RELN: variants seen among roughly 807,000 people sequenced by gnomAD.
RELN encodes reelin.
A neutral mutation model predicts 427.6 loss-of-function variants in RELN; 108 were observed. The observed-to-expected ratio is 0.25, with a 90% CI of 0.22 to 0.30. RELN has a LOEUF of 0.30. RELN is among the 10% of genes least tolerant of loss of function. The pLI is 1.00. For synonymous variants in RELN, 1,524 were observed against 1,513.4 expected, an observed-to-expected ratio of 1.01 and a Z score of -0.16; for missense variants, 3,715 against 4,302.8, an observed-to-expected ratio of 0.86 and a Z score of 3.82.
At chr7:103,491,586 T>C (rs748131336) in intron 58 of RELN, among the ~76,000 whole-genome samples, 13 of 152,130 alleles carry the variant, frequency 8.5e-5, no homozygotes, top group Non-Finnish European at 1.8e-4. Context: ...TCCCAGCACT[T>C]TGGGAGGCAG....
At chr7:103,643,413 G>T (rs1832733477) in intron 16 of RELN, among the ~76,000 whole-genome samples, 1 of 151,920 alleles carries the variant, frequency 6.6e-6, no homozygotes, top group Non-Finnish European at 1.5e-5. Flanking sequence ...TTGTATCATG[G>T]CTTCCCAAAA....
intron 1 of RELN, among the ~76,000 whole-genome samples, chr7:103,975,640 G>T (rs925836759): frequency 6.6e-6 from 1 of 151,480 alleles, no homozygotes; most frequent in Non-Finnish European, 1.5e-5. Context: ...CCGCCTCCCG[G>T]GTTCACGCCA....
rs111977055 is a variant in RELN, at chr7:103,779,012, C to T, written c.474-2385G>A. Among the ~76,000 whole-genome samples the T allele has an allele frequency of 3.3e-5, 5 of 152,266 alleles. No individual in the cohort carries two copies. In the East Asian group the frequency reaches 5.8e-4, roughly 18 times the overall value. On this transcript the variant is annotated intron_variant, in intron 3 of 64. Transcript: ENST00000428762. Reference sequence around the variant, plus strand: ...ATTCTTACAGTATATGGATCAGGAACGTGAGGCCAGGCAGGATATTAACCT... The same window carrying T: ...ATTCTTACAGTATATGGATCAGGAATGTGAGGCCAGGCAGGATATTAACCT...
chr7:103,924,533 T>C (rs1286559951), intron 1 of RELN, among the ~76,000 whole-genome samples: 1 of 152,182 alleles, frequency 6.6e-6, no homozygotes, highest in African/African-American at 2.4e-5. Context: ...ATCCAGGAAT[T>C]CTAGCAGGTG....
intron 22 of RELN, among the ~76,000 whole-genome samples, chr7:103,608,814 T>C (rs1327859446): frequency 1.3e-5 from 2 of 152,200 alleles, no homozygotes; most frequent in Non-Finnish European, 2.9e-5. Flanking sequence ...AATTTGAGTG[T>C]CAAAGAACCT....
intron 2 of RELN, among the ~76,000 whole-genome samples, chr7:103,888,285 A>G (rs192021747): frequency 9.2e-5 from 14 of 152,012 alleles, no homozygotes; most frequent in African/African-American, 3.4e-4. Flanking sequence ...AAATCAAGTA[A>G]GTATTTATGA....
intron 14 of RELN, 50 bp from the exon 15 acceptor site, chr7:103,651,839 A>G: frequency 6.3e-7 from 1 of 1,593,522 alleles, no homozygotes; most frequent in Non-Finnish European, 8.6e-7. Context: ...GGTAAAGATA[A>G]CAAATCAAAT....
At chr7:103,551,596 C>T (rs1340195868) in intron 40 of RELN, among the ~76,000 whole-genome samples, 1 of 152,124 alleles carries the variant, frequency 6.6e-6, no homozygotes, top group African/African-American at 2.4e-5. Flanking sequence ...GGCCCATTTT[C>T]CTAGCCAAGC....
intron 2 of RELN, among the ~76,000 whole-genome samples, chr7:103,891,983 A>G (rs1289179130): frequency 6.6e-6 from 1 of 152,164 alleles, no homozygotes; most frequent in Non-Finnish European, 1.5e-5. Context: ...AATGTGTCAG[A>G]GGCACAGAAT....
intron 1 of RELN, among the ~76,000 whole-genome samples, chr7:103,917,790 G>A (rs908917284): frequency 1.3e-5 from 2 of 152,002 alleles, no homozygotes; most frequent in Non-Finnish European, 2.9e-5. Context: ...GAAGAGGAGT[G>A]GTTTTATAAC....
At chr7:103,593,125 A>C (rs1346100325) in intron 27 of RELN, among the ~76,000 whole-genome samples, 1 of 152,184 alleles carries the variant, frequency 6.6e-6, no homozygotes, top group African/African-American at 2.4e-5. Context: ...TTATAAACAC[A>C]ATGAAATTTT....
intron 30 of RELN, among the ~76,000 whole-genome samples, chr7:103,572,912 T>C (rs570061316): frequency 3.3e-5 from 5 of 151,974 alleles, no homozygotes; most frequent in South Asian, 4.1e-4. Context: ...GTTTGTTACA[T>C]AGGTATACAC....
At position 103,596,626 on chromosome 7, in the gene RELN, A is replaced by G. The variant is rs1415630437; in HGVS notation, c.3369T>C (p.Asp1123=). ...GKRQLVSWDL[D]TSWVDFVQFY... ...ACTGGACAAAGTCCACCCAAGAAGT[A>G]TCCAGGTCCCAACTCACCAGCTGTC... is the stretch of plus-strand genomic sequence containing the variant. Residue 1123 remains aspartate (D), a synonymous_variant, in exon 25 of 65, where the codon GAT becomes GAC. Coordinates refer to ENST00000428762, the MANE Select transcript of RELN (RefSeq NM_005045.4). The G allele has an allele frequency of 6.2e-7, 1 of 1,613,964 alleles. No homozygotes were observed. Among genetic ancestry groups the G allele is most frequent in the African/African-American group, 1.3e-5 (1 of 74,928 alleles).
chr7:103,931,288 C>A (rs529753295), intron 1 of RELN, among the ~76,000 whole-genome samples: 90 of 152,294 alleles, frequency 5.9e-4, no homozygotes, highest in African/African-American at 2.0e-3. Flanking sequence ...TCTCACCATC[C>A]TTTCCACCTA....
chr7:103,686,232 A>G (rs974540479), intron 10 of RELN, among the ~76,000 whole-genome samples: 1 of 152,130 alleles, frequency 6.6e-6, no homozygotes, highest in Non-Finnish European at 1.5e-5. Flanking sequence ...TCCCCTCCAC[A>G]TGAGCAGAGA....
intron 19 of RELN, among the ~76,000 whole-genome samples, chr7:103,632,877 T>C (rs946876863): frequency 1.6e-4 from 24 of 152,076 alleles, no homozygotes; most frequent in African/African-American, 5.6e-4. Context: ...AGATTAAATA[T>C]AATAATCAAG....
At chr7:103,663,407 T>C (rs1467924111) in intron 11 of RELN, among the ~76,000 whole-genome samples, 1 of 152,160 alleles carries the variant, frequency 6.6e-6, no homozygotes. Flanking sequence ...AAATGAAACC[T>C]GTAGAGTTTC....
intron 24 of RELN, among the ~76,000 whole-genome samples, chr7:103,599,438 C>A (rs1322050327): frequency 6.6e-6 from 1 of 152,102 alleles, no homozygotes; most frequent in Non-Finnish European, 1.5e-5. Context: ...ATTAATTTTC[C>A]AATCTATTTA....
At chr7:103,556,396 C>A (rs1326442553) in intron 38 of RELN, among the ~76,000 whole-genome samples, 1 of 151,088 alleles carries the variant, frequency 6.6e-6, no homozygotes, top group Non-Finnish European at 1.5e-5. Context: ...CAGGAGAACC[C>A]ACTAGTCAAA....
Sources: allele counts gnomAD v4.1 joint callset (sites outside exome capture counted in the v4.1 genomes callset), GRCh38; gene constraint gnomAD v4.1.1; transcripts MANE v1.5; gene names NCBI Gene and HGNC (gene_info 2026-07-23, HGNC 2026-07-21).